Variants in DAB1 observed in about 807,000 individuals in gnomAD.
DAB1 encodes the protein disabled homolog 1.
A neutral mutation model predicts 64.6 loss-of-function variants in DAB1; 15 were observed. The ratio of observed to expected loss-of-function variants is 0.23; its 90% confidence interval spans 0.16 to 0.36. The LOEUF is 0.36. DAB1 is among the 10% of genes least tolerant of loss of function. DAB1 has a pLI of 1.00. For missense variants in DAB1, 596 were observed against 706.7 expected (o/e 0.84, Z 1.78); for synonymous variants, 235 against 251.9 (o/e 0.93, Z 0.64).
At chr1:57,010,065 T>C (rs1286106756) in intron 14 of DAB1, among the ~76,000 whole-genome samples, 1 of 152,190 alleles carries the variant, frequency 6.6e-6, no homozygotes, top group Non-Finnish European at 1.5e-5. Context: ...TGATCTTACA[T>C]CTCGATCAAT....
chr1:58,243,615 G>A (rs1660399254), intron 4 of DAB1, among the ~76,000 whole-genome samples: 1 of 151,980 alleles, frequency 6.6e-6, no homozygotes, highest in Admixed American at 6.6e-5. Flanking sequence ...TCACCTCCTT[G>A]CCCAAACCAG....
chr1:58,044,816 T>C (rs560749732), intron 5 of DAB1, among the ~76,000 whole-genome samples: 1 of 152,214 alleles, frequency 6.6e-6, no homozygotes, highest in Non-Finnish European at 1.5e-5. Flanking sequence ...CAGAACCCAA[T>C]ACATAGGACT....
chr1:58,139,665 A>T (rs1034713312), intron 5 of DAB1, among the ~76,000 whole-genome samples: 16 of 152,192 alleles, frequency 1.1e-4, no homozygotes, highest in Non-Finnish European at 2.2e-4. Context: ...AAACCGTATC[A>T]TTTACCGAGC....
At chr1:57,000,233 A>T (rs550966553) in intron 14 of DAB1, among the ~76,000 whole-genome samples, 1 of 151,962 alleles carries the variant, frequency 6.6e-6, no homozygotes, top group African/African-American at 2.4e-5. Flanking sequence ...TTTAGTACAG[A>T]CAGGGTTTCA....
intron 5 of DAB1, among the ~76,000 whole-genome samples, chr1:58,126,162 A>G (rs1252089145): frequency 6.6e-6 from 1 of 152,238 alleles, no homozygotes; most frequent in African/African-American, 2.4e-5. Context: ...CTATCCAAAA[A>G]GAAAAGGCCT....
At chr1:58,451,656 G>A (rs1454032894) in intron 3 of DAB1, among the ~76,000 whole-genome samples, 1 of 152,066 alleles carries the variant, frequency 6.6e-6, no homozygotes, top group African/African-American at 2.4e-5. Context: ...AAAAGATAAA[G>A]GACAAGAAAA....
At chr1:58,141,324 T>A (rs1266009088) in intron 5 of DAB1, among the ~76,000 whole-genome samples, 1 of 152,018 alleles carries the variant, frequency 6.6e-6, no homozygotes, top group Non-Finnish European at 1.5e-5. Context: ...CAAGAGAGCG[T>A]GTGTAGGGGA....
chr1:57,105,196 A>G (rs1344325392), intron 4 of DAB1, among the ~76,000 whole-genome samples: 1 of 151,956 alleles, frequency 6.6e-6, no homozygotes. Context: ...TTTTCCTTCC[A>G]TCTAGTAAAC....
At chr1:58,433,562 T>C (rs1482038578) in intron 3 of DAB1, among the ~76,000 whole-genome samples, 4 of 139,648 alleles carry the variant, frequency 2.9e-5, no homozygotes, top group East Asian at 2.2e-4. Context: ...AGAGAGTCCA[T>C]GCATAAGAGA....
rs1262156557 is a variant in DAB1 at position 57,162,439 on chromosome 1, A to T, written c.68-17010T>A. ...AGGTCATAGGCAGTGCAGAACCCCTAACTTAGAGCTCTCACCCAATGTGTG... is the reference window on the plus strand; with the variant it reads ...AGGTCATAGGCAGTGCAGAACCCCTTACTTAGAGCTCTCACCCAATGTGTG... On this transcript the variant is annotated intron_variant, in intron 2 of 14. Transcript: ENST00000371236. Among the ~76,000 whole-genome samples the T allele has an allele frequency of 2.6e-5, 4 of 152,246 alleles. No individual in the cohort carries two copies. The East Asian group carries it at 5.8e-4, about 22-fold the overall frequency.
chr1:57,673,356 T>G (rs1310738886), intron 6 of DAB1, among the ~76,000 whole-genome samples: 1 of 152,180 alleles, frequency 6.6e-6, no homozygotes, highest in Non-Finnish European at 1.5e-5. Context: ...GCAGTGTATG[T>G]GTTATTTGAA....
chr1:57,695,434 A>T lies in DAB1; in HGVS notation n.552-45769T>A, dbSNP rs189774282. Among the ~76,000 whole-genome samples the T allele has an allele frequency of 1.7e-3, 247 of 148,264 alleles. 12 individuals are homozygous for T. Among genetic ancestry groups the T allele is most frequent in the Admixed American group, 2.8e-3 (42 of 14,862 alleles). On this transcript the variant is annotated intron_variant and non_coding_transcript_variant, in intron 6 of 20. Coordinates refer to the DAB1 transcript ENST00000485760. ...AAAGAAAGAAAGAAAGAAAGAAAGA[A>T]AAAAGAAGAAAAGAGCCAATTAAGT...
At chr1:58,233,204 GA>G (rs1659859966) in intron 4 of DAB1, among the ~76,000 whole-genome samples, 1 of 152,134 alleles carries the variant, frequency 6.6e-6, no homozygotes, top group Non-Finnish European at 1.5e-5. Context: ...TAAGTATATT[GA>G]AATGTAGAGA....
At chr1:57,629,086 A>G (rs1242907253) in intron 7 of DAB1, among the ~76,000 whole-genome samples, 4 of 152,206 alleles carry the variant, frequency 2.6e-5, no homozygotes, top group Non-Finnish European at 5.9e-5. Context: ...AAACATAAAT[A>G]TGTAACAATG....
chr1:58,277,921 G>A (rs1661489268), intron 4 of DAB1, among the ~76,000 whole-genome samples: 1 of 152,192 alleles, frequency 6.6e-6, no homozygotes, highest in Admixed American at 6.5e-5. Context: ...ATCCACACCT[G>A]GATTGTAATC....
chr1:57,806,384 G>T (rs1045506159), intron 6 of DAB1, among the ~76,000 whole-genome samples: 3 of 152,196 alleles, frequency 2.0e-5, no homozygotes. Context: ...TGACGTCCTT[G>T]TGAAAAGGGG....
chr1:58,073,324 C>T (rs1649392298), intron 5 of DAB1, among the ~76,000 whole-genome samples: 1 of 152,210 alleles, frequency 6.6e-6, no homozygotes, highest in African/African-American at 2.4e-5. Flanking sequence ...TTCTCCTCAG[C>T]ATCATCTCCC....
At chr1:57,189,784 C>T (rs58333341) in intron 2 of DAB1, among the ~76,000 whole-genome samples, 7 of 151,156 alleles carry the variant, frequency 4.6e-5, no homozygotes, top group African/African-American at 9.7e-5. Context: ...GCCCCAAACT[C>T]GGGTACATGG....
intron 7 of DAB1, among the ~76,000 whole-genome samples, chr1:57,438,494 G>T (rs1296169438): frequency 1.3e-5 from 2 of 152,122 alleles, no homozygotes; most frequent in Non-Finnish European, 1.5e-5. Flanking sequence ...AGAGCATCTG[G>T]TCACTCATAT....
Sources: allele counts gnomAD v4.1 joint callset (sites outside exome capture counted in the v4.1 genomes callset), GRCh38; gene constraint gnomAD v4.1.1; transcripts MANE v1.5; gene names NCBI Gene and HGNC (gene_info 2026-07-23, HGNC 2026-07-21).